STON2: variants seen among roughly 807,000 people sequenced by gnomAD.
The protein encoded by STON2 is stonin-2.
Under a neutral mutation model 65.7 loss-of-function variants are expected in STON2, and 29 were observed. The observed-to-expected ratio is 0.44, with a 90% confidence interval of 0.33 to 0.60. STON2 has a LOEUF of 0.60. STON2 is among the 20% of genes least tolerant of loss of function. The pLI is 0.03. For missense variants in STON2, 1,054 were observed against 1,118.1 expected (o/e 0.94, Z 0.82); for synonymous variants, 404 against 414.2 (o/e 0.98, Z 0.30).
In STON2 at chr14:81,276,942, G is replaced by T; in HGVS notation, c.2540C>A (p.Ser847Tyr). The T allele has an allele frequency of 6.2e-7, 1 of 1,614,164 alleles. No homozygotes were observed. The highest frequency in any genetic ancestry group is 1.3e-5 in the African/African-American group (1 of 75,034). The change falls in exon 6 of 8, where the codon TCC becomes TAC. Residue 847 changes from serine to tyrosine, a missense_variant. Coordinates refer to ENST00000614646, the MANE Select transcript of STON2 (RefSeq NM_001394390.1). ...CAGTCGGTTTATCCTCCACACAATG[G>T]AGTTGAAGGCATGCTCGTACTTGGC... ...GTAKYEHAFNSIVWRINRLPD... is the reference protein window; with the variant it reads ...GTAKYEHAFNYIVWRINRLPD...
chr14:81,371,837 C>A (rs78950807), intron 3 of STON2, among the ~76,000 whole-genome samples: 2,338 of 152,244 alleles, frequency 0.015, 70 homozygotes, highest in African/African-American at 0.054. Context: ...CTTGCAGTTT[C>A]ACCCTTACTG....
intron 1 of STON2, among the ~76,000 whole-genome samples, chr14:81,431,709 C>T (rs1045894584): frequency 6.6e-6 from 1 of 151,100 alleles, no homozygotes; most frequent in African/African-American, 2.4e-5. Context: ...ACCCGGGAGC[C>T]GGAGGTTGCA....
Position 81,294,098 on chromosome 14 carries a change from A to G in STON2, c.743-15359T>C, listed in dbSNP as rs74065074. 5.1e-3 allele frequency among the ~76,000 whole-genome samples: 770 copies of G among 152,316 alleles called. 7 individuals are homozygous for G. The highest frequency in any genetic ancestry group is 0.024 in the Middle Eastern group (7 of 294). On this transcript the variant is annotated intron_variant, in intron 5 of 7. Coordinates refer to ENST00000614646, the MANE Select transcript of STON2 (RefSeq NM_001394390.1). Reference sequence around the variant, plus strand: ...GCAATTCAAGCTCCTTAGCAGCCAGACAAGAGATAGATGAAAAGATCCTTG... The same window carrying G: ...GCAATTCAAGCTCCTTAGCAGCCAGGCAAGAGATAGATGAAAAGATCCTTG...
rs189949099 is a variant in STON2, at chr14:81,376,882, A to C, written c.374-5697T>G. ...TTTTCTCATTATTGTCCCCCTAAGG[A>C]AACTTCTTGTACATTTTTTCCCCTA... On this transcript the variant is annotated intron_variant, in intron 3 of 7. Coordinates refer to ENST00000614646, the MANE Select transcript of STON2 (RefSeq NM_001394390.1). Among the ~76,000 whole-genome samples, 569 of 152,264 alleles carry C rather than the reference A, an allele frequency of 3.7e-3. 2 individuals carry two copies. Among genetic ancestry groups the C allele is most frequent in the Middle Eastern group, 6.8e-3 (2 of 294 alleles).
At chr14:81,272,524 G>A (rs1269880473) in intron 6 of STON2, among the ~76,000 whole-genome samples, 5 of 152,156 alleles carry the variant, frequency 3.3e-5, no homozygotes, top group African/African-American at 2.4e-5. Flanking sequence ...CAGAGAGTAA[G>A]GACATACACA....
intron 5 of STON2, among the ~76,000 whole-genome samples, chr14:81,313,760 G>A (rs1157864466): frequency 2.7e-5 from 4 of 147,690 alleles, no homozygotes; most frequent in Admixed American, 6.8e-5. Flanking sequence ...GTGCCACTGC[G>A]CTCCAGCCTC....
intron 1 of STON2, among the ~76,000 whole-genome samples, chr14:81,431,149 T>C (rs1304773996): frequency 6.6e-6 from 1 of 152,116 alleles, no homozygotes; most frequent in Non-Finnish European, 1.5e-5. Flanking sequence ...GGACAGAGGT[T>C]ATAGTTCTAA....
chr14:81,391,785 GC>G (rs757946989), intron 3 of STON2, among the ~76,000 whole-genome samples: 8 of 152,088 alleles, frequency 5.3e-5, no homozygotes, highest in Non-Finnish European at 8.8e-5. Context: ...TCTGCTTCTT[GC>G]CTACAGACTG....
Position 81,263,093 on chromosome 14 carries a change from A to G in STON2, c.*5321T>C. The G allele has an allele frequency of 1.0e-6, 1 of 985,286 alleles. No individual in the cohort carries two copies. The highest frequency in any genetic ancestry group is 4.7e-5 in the South Asian group (1 of 21,282). 61.0% of individuals were successfully genotyped at this position (985,286 alleles called of 1,614,324 possible). On this transcript the variant is annotated 3_prime_UTR_variant, in exon 8 of 8. Transcript: ENST00000614646. ...TGTGAGACAGTGCATTTACCAAATG[A>G]TATTTTTTTGTGGATTTAATTTTTT...
intron 2 of STON2, among the ~76,000 whole-genome samples, chr14:81,422,804 C>T (rs546904362): frequency 6.6e-5 from 10 of 152,136 alleles, no homozygotes; most frequent in East Asian, 1.9e-4. Flanking sequence ...GAGGCTGAGG[C>T]GGGCAGATCA....
intron 2 of STON2, among the ~76,000 whole-genome samples, chr14:81,414,033 G>C (rs1189516655): frequency 7.2e-6 from 1 of 138,914 alleles, no homozygotes. Context: ...AAGAGAAAGA[G>C]ATGTCATCTG....
chr14:81,436,336 C>T (rs1459354697), exon 1 of STON2: 1 of 151,550 alleles, frequency 6.6e-6, no homozygotes, highest in Non-Finnish European at 1.5e-5. Flanking sequence ...CCGCGGTCCG[C>T]AGGGTCCCCG....
At chr14:81,310,260 T>C (rs937072730) in intron 5 of STON2, among the ~76,000 whole-genome samples, 1 of 152,226 alleles carries the variant, frequency 6.6e-6, no homozygotes. Context: ...AGATAAAATG[T>C]ATGTAAATAT....
intron 5 of STON2, among the ~76,000 whole-genome samples, chr14:81,319,941 T>C (rs973184022): frequency 6.6e-6 from 1 of 152,218 alleles, no homozygotes; most frequent in Non-Finnish European, 1.5e-5. Flanking sequence ...TACGTATCAG[T>C]TGGCTATGTT....
chr14:81,325,758 G>C (rs929646812), intron 4 of STON2, among the ~76,000 whole-genome samples: 1 of 152,138 alleles, frequency 6.6e-6, no homozygotes, highest in African/African-American at 2.4e-5. Context: ...GGGCAAGTTA[G>C]AGTCAAGAAA....
At chr14:81,337,910 G>A (rs1399646641) in intron 4 of STON2, among the ~76,000 whole-genome samples, 64 of 152,058 alleles carry the variant, frequency 4.2e-4, no homozygotes, top group Admixed American at 4.2e-3. Context: ...AACAGTCTGG[G>A]CAACATGGTG....
chr14:81,407,064 A>C (rs1466751316), intron 2 of STON2, among the ~76,000 whole-genome samples: 1 of 152,204 alleles, frequency 6.6e-6, no homozygotes, highest in Non-Finnish European at 1.5e-5. Flanking sequence ...AGCCAAGGCG[A>C]GTGTCAGGCT....
intron 6 of STON2, among the ~76,000 whole-genome samples, chr14:81,275,922 TAA>T (rs1894797185): frequency 6.6e-6 from 1 of 152,224 alleles, no homozygotes; most frequent in Admixed American, 6.5e-5. Flanking sequence ...GATAGCCACA[TAA>T]GAGAAAGCCA....
intron 2 of STON2, among the ~76,000 whole-genome samples, chr14:81,426,126 G>A (rs1901963011): frequency 6.6e-6 from 1 of 152,302 alleles, no homozygotes; most frequent in East Asian, 1.9e-4. Flanking sequence ...TTAACCACCA[G>A]TTCTCATCTC....
Sources: gnomAD v4.1 joint callset for allele counts (sites outside exome capture counted in the v4.1 genomes callset) on GRCh38, gnomAD v4.1.1 for gene constraint, MANE v1.5 for transcripts, NCBI Gene and HGNC (gene_info 2026-07-23, HGNC 2026-07-21) for gene names.